Variants in CRIM1 observed in about 807,000 individuals in gnomAD.
CRIM1 encodes cysteine rich transmembrane BMP regulator 1, also known as cysteine-rich motor neuron 1 protein.
Under a neutral mutation model 116.4 loss-of-function variants are expected in CRIM1, and 32 were observed. The ratio of observed to expected loss-of-function variants is 0.27; its 90% CI spans 0.21 to 0.37. The LOEUF (loss-of-function observed/expected upper bound fraction) is 0.37. CRIM1 is among the 10% of genes least tolerant of loss of function. CRIM1 has a pLI of 1.00. For missense variants in CRIM1, 1,331 were observed against 1,354.8 expected, an observed-to-expected ratio of 0.98 and a Z score of 0.28; for synonymous variants, 590 against 509.2, an observed-to-expected ratio of 1.16 and a Z score of -2.13.
At position 36,463,523 on chromosome 2, in the gene CRIM1, C is replaced by T. The variant is rs1012290594; in HGVS notation, c.870-1011C>T. 2.0e-5 allele frequency among the ~76,000 whole-genome samples: 3 copies of T among 152,140 alleles called. No individual in the cohort carries two copies. The South Asian group carries it at 6.2e-4, about 32-fold the overall frequency. On this transcript the variant is annotated intron_variant, in intron 4 of 16. Coordinates refer to ENST00000280527, the MANE Select transcript of CRIM1 (RefSeq NM_016441.3). Reference sequence around the variant, plus strand: ...ACTCCTGTCAACCTGGGAACTCCCGCCGTCATCTTCTCCACCCTCTGACCC... The same window carrying T: ...ACTCCTGTCAACCTGGGAACTCCCGTCGTCATCTTCTCCACCCTCTGACCC...
At chr2:36,538,936 CTTAT>C (rs1332674573) in intron 14 of CRIM1, among the ~76,000 whole-genome samples, 1 of 152,146 alleles carries the variant, frequency 6.6e-6, no homozygotes, top group Non-Finnish European at 1.5e-5. Flanking sequence ...GAAACTTGAC[CTTAT>C]TTATTTCACG....
At chr2:36,448,820 T>G (rs1269220085) in intron 4 of CRIM1, among the ~76,000 whole-genome samples, 1 of 152,178 alleles carries the variant, frequency 6.6e-6, no homozygotes, top group Non-Finnish European at 1.5e-5. Flanking sequence ...GTTTATAATG[T>G]CCAAAAACTT....
At chr2:36,506,640 G>A (rs1681450960) in intron 8 of CRIM1, among the ~76,000 whole-genome samples, 2 of 152,048 alleles carry the variant, frequency 1.3e-5, no homozygotes, top group African/African-American at 4.8e-5. Flanking sequence ...CCTGTACTTT[G>A]CCATTGTTCA....
Position 36,549,571 on chromosome 2 carries a change from CTGTTA to C in CRIM1, c.*872_*876del, listed in dbSNP as rs1572987784. 1 of 152,006 alleles carries C rather than the reference CTGTTA, an allele frequency of 6.6e-6. No homozygotes were observed. The highest frequency in any genetic ancestry group is 6.6e-5 in the Admixed American group (1 of 15,230). The allele number at this position is 152,006 out of a possible 1,614,324, so 9.4% of individuals were successfully genotyped here. A position where few individuals can be genotyped will look rare whatever the true frequency, so the allele number is the denominator to read the frequency against. ...TTTCACTGTTTGTTGTTGCTTTGTTCTGTTATATTGTTGGTTGTTCATAGTTTTTG... is the reference window on the plus strand; with the variant it reads ...TTTCACTGTTTGTTGTTGCTTTGTTCTATTGTTGGTTGTTCATAGTTTTTG... On this transcript the variant is annotated 3_prime_UTR_variant, in exon 17 of 17. Coordinates refer to ENST00000280527, the MANE Select transcript of CRIM1 (RefSeq NM_016441.3).
rs1472357864 is a variant in CRIM1 at position 36,356,916 on chromosome 2, C to G, written c.331+293C>G. On this transcript the variant is annotated intron_variant, in intron 1 of 16. Coordinates refer to ENST00000280527, the MANE Select transcript of CRIM1 (RefSeq NM_016441.3). The surrounding 1 kb of genome is among the most constrained non-coding windows in gnomAD (Gnocchi z 4.3). The stretch of plus-strand genomic sequence containing the variant: ...ACACGTGTGGCCGTTCCTGCTGGGA[C>G]TGGGTGGCCCGGCCTTGCTCCCCGA... Among the ~76,000 whole-genome samples, 3 of 151,942 alleles carry G rather than the reference C, an allele frequency of 2.0e-5. No homozygotes were observed. Among genetic ancestry groups the G allele is most frequent in the Non-Finnish European group, 4.4e-5 (3 of 67,972 alleles).
intron 2 of CRIM1, among the ~76,000 whole-genome samples, chr2:36,397,303 A>G (rs1672098001): frequency 6.6e-6 from 1 of 152,224 alleles, no homozygotes; most frequent in Admixed American, 6.5e-5. Flanking sequence ...GAGATAAGTC[A>G]GAAATTGCAT....
chr2:36,468,160 T>C lies in CRIM1; in HGVS notation c.991+3505T>C, dbSNP rs530593853. Among the ~76,000 whole-genome samples the C allele has an allele frequency of 1.3e-4, 20 of 152,348 alleles. 1 individual carries two copies. The South Asian group carries it at 2.9e-3, about 22-fold the overall frequency. ...ACTGTGGGTAGAATGTTAACATGAC[T>C]GACCCCACATGCAGAAATGGATTAT... On this transcript the variant is annotated intron_variant, in intron 5 of 16. Coordinates refer to ENST00000280527, the MANE Select transcript of CRIM1 (RefSeq NM_016441.3).
chr2:36,405,442 A>C (rs547026519), intron 2 of CRIM1, among the ~76,000 whole-genome samples: 2 of 152,108 alleles, frequency 1.3e-5, no homozygotes, highest in South Asian at 4.1e-4. Flanking sequence ...GTCCATGGGG[A>C]GCCTGGGTAT....
intron 1 of CRIM1, among the ~76,000 whole-genome samples, chr2:36,365,492 G>A (rs1342839084): frequency 6.6e-6 from 1 of 152,194 alleles, no homozygotes; most frequent in African/African-American, 2.4e-5. Flanking sequence ...GAATGAGCAG[G>A]AGAGGGTGTG....
At chr2:36,406,186 T>C (rs962135886) in intron 2 of CRIM1, among the ~76,000 whole-genome samples, 1 of 152,234 alleles carries the variant, frequency 6.6e-6, no homozygotes, top group African/African-American at 2.4e-5. Flanking sequence ...ATAATTGCTG[T>C]TTACTATGAG....
intron 2 of CRIM1, among the ~76,000 whole-genome samples, chr2:36,408,598 A>T (rs979842355): frequency 6.6e-6 from 1 of 152,184 alleles, no homozygotes; most frequent in African/African-American, 2.4e-5. Flanking sequence ...TTCTGTGTCC[A>T]CAGGGGTTCT....
chr2:36,366,748 G>A (rs1203870361), intron 1 of CRIM1, among the ~76,000 whole-genome samples: 1 of 152,220 alleles, frequency 6.6e-6, no homozygotes, highest in East Asian at 1.9e-4. Flanking sequence ...AAAGGCCACA[G>A]CAAAACGTTT....
chr2:36,548,267 C>CTTTTT (rs11318146), intron 16 of CRIM1, among the ~76,000 whole-genome samples: 1 of 137,824 alleles, frequency 7.3e-6, no homozygotes. Context: ...TTTCACCAGT[C>CTTTTT]TTTTTTTTTT....
At position 36,512,367 on chromosome 2, in the gene CRIM1, C is replaced by G. The variant is rs1313341012; in HGVS notation, c.1753C>G (p.His585Asp). The G allele has an allele frequency of 1.2e-6, 2 of 1,613,470 alleles. No homozygotes were observed. The highest frequency in any genetic ancestry group is 1.7e-6 in the Non-Finnish European group (2 of 1,179,544). The change falls in exon 10 of 17, where the codon CAC (histidine) becomes GAC (aspartate). Residue 585 changes from histidine (H) to aspartate (D), a missense_variant. Transcript: ENST00000280527. ...CCCCTTGGGTTTCCAGCAGGACAGT[C>G]ACGGCTGTCTTATCTGCAAGTGCAG... ...ICPLGFQQDS[H>D]GCLICKCREA...
At chr2:36,508,164 A>C (rs1057144728) in intron 8 of CRIM1, among the ~76,000 whole-genome samples, 3 of 152,226 alleles carry the variant, frequency 2.0e-5, no homozygotes, top group South Asian at 2.1e-4. Flanking sequence ...TAAGGATGCA[A>C]ATTAGTAATC....
At chr2:36,426,558 C>G (rs1674465077) in intron 2 of CRIM1, among the ~76,000 whole-genome samples, 1 of 152,036 alleles carries the variant, frequency 6.6e-6, no homozygotes. Context: ...CCAAGTAGAA[C>G]TAGGAATTAG....
intron 10 of CRIM1, 86 bp from the exon 11 acceptor site, chr2:36,513,470 T>C: frequency 9.8e-7 from 1 of 1,018,506 alleles, no homozygotes; most frequent in Non-Finnish European, 1.5e-6. Context: ...TGTTGGTGGC[T>C]GGGGTCCAGT....
At position 36,376,651 on chromosome 2, in the gene CRIM1, G is replaced by A. The variant is rs376266929; in HGVS notation, c.332-19963G>A. Among the ~76,000 whole-genome samples the A allele has an allele frequency of 1.6e-4, 24 of 152,282 alleles. No homozygotes were observed. In the East Asian group the frequency reaches 3.3e-3, roughly 21 times the overall value. ...ATGGATTTGATTATAGCTGCTTCACGCTTTTACCTCTGGAGTTGGTGCTTC... is the reference window on the plus strand; with the variant it reads ...ATGGATTTGATTATAGCTGCTTCACACTTTTACCTCTGGAGTTGGTGCTTC... On this transcript the variant is annotated intron_variant, in intron 1 of 16. Transcript: ENST00000280527.
At chr2:36,529,878 TA>T (rs923710487) in intron 13 of CRIM1, among the ~76,000 whole-genome samples, 34 of 152,226 alleles carry the variant, frequency 2.2e-4, no homozygotes, top group African/African-American at 8.2e-4. Context: ...ATAAATGAAA[TA>T]AAATAAAACA....
Sources: gnomAD v4.1 joint callset for allele counts (sites outside exome capture counted in the v4.1 genomes callset) on GRCh38, gnomAD v4.1.1 for gene constraint, Gnocchi (gnomAD v3.1) non-coding constraint, MANE v1.5 for transcripts, NCBI Gene and HGNC (gene_info 2026-07-23, HGNC 2026-07-21) for gene names.